The following ASXL3 variants were observed in gnomAD, a reference collection of about 807,000 sequenced individuals.
ASXL3 encodes ASXL transcriptional regulator 3.
A neutral mutation model predicts 170.6 loss-of-function variants in ASXL3; 34 were observed. That is an observed-to-expected ratio of 0.20 (90% confidence interval 0.15 to 0.27). The LOEUF is 0.27. ASXL3 is among the 10% of genes least tolerant of loss of function. The pLI is 1.00. For missense variants in ASXL3, 2,592 were observed against 2,695.3 expected (o/e 0.96, Z 0.85); for synonymous variants, 1,002 against 989.1 (o/e 1.01, Z -0.24).
chr18:33,731,013 G>A (rs983262756), intron 8 of ASXL3, among the ~76,000 whole-genome samples: 7 of 152,228 alleles, frequency 4.6e-5, no homozygotes, highest in African/African-American at 1.7e-4. Context: ...TTTGTTCTCA[G>A]TGTCTCTCTT....
chr18:33,614,255 G>T lies in ASXL3; in HGVS notation c.137+6579G>T, dbSNP rs572597727. On this transcript the variant is annotated intron_variant, in intron 2 of 11. Coordinates refer to ENST00000269197, the MANE Select transcript of ASXL3 (RefSeq NM_030632.3). Reference sequence around the variant, plus strand: ...ATGTAATATTCTAAATCATTTATTTGTATTTCAACAATGTTCACAGTATCT... The same window carrying T: ...ATGTAATATTCTAAATCATTTATTTTTATTTCAACAATGTTCACAGTATCT... 4 of 152,190 alleles carry T rather than the reference G, an allele frequency of 2.6e-5. No individual in the cohort carries two copies. In the East Asian group the frequency reaches 5.8e-4, roughly 22 times the overall value. The allele number at this position is 152,190 out of a possible 1,614,324, so 9.4% of individuals were successfully genotyped here. A position where few individuals can be genotyped will look rare whatever the true frequency, so the allele number is the denominator to read the frequency against.
In ASXL3 at chr18:33,731,592, C is replaced by A. The variant is rs183391422; in HGVS notation, c.880-376C>A. 3.0e-4 allele frequency among the ~76,000 whole-genome samples: 45 copies of A among 152,262 alleles called. No individual in the cohort carries two copies. In the Middle Eastern group the frequency reaches 0.01, roughly 35 times the overall value. Reference sequence around the variant, plus strand: ...TTTTGAACTTCTTAATTCTCACTCACCTAATGCTTGACATTGTTTAACTTG... The same window carrying A: ...TTTTGAACTTCTTAATTCTCACTCAACTAATGCTTGACATTGTTTAACTTG... On this transcript the variant is annotated intron_variant, in intron 8 of 11. Coordinates refer to ENST00000269197, the MANE Select transcript of ASXL3 (RefSeq NM_030632.3).
chr18:33,738,824 C>G lies in ASXL3; in HGVS notation c.1420C>G (p.Pro474Ala). The change falls in exon 11 of 12, where the codon CCT becomes GCT. Residue 474 changes from proline to alanine, a missense_variant. Around this residue, in one of 4 missense-constraint regions of ASXL3, gnomAD observed 2,246 missense variants for 2,219.6 expected, o/e 1.01. Transcript: ENST00000269197. The stretch of plus-strand genomic sequence containing the variant: ...CCAGGATGAAAATCATAAGACAATA[C>G]CTGAATTTTCTGAGGAGGCTGAAAG... ...ECQDENHKTIPEFSEEAESLT... is the reference protein window; with the variant it reads ...ECQDENHKTIAEFSEEAESLT... 1 of 1,613,538 alleles carries G rather than the reference C, an allele frequency of 6.2e-7. No homozygotes were observed. Among genetic ancestry groups the G allele is most frequent in the Non-Finnish European group, 8.5e-7 (1 of 1,179,840 alleles).
chr18:33,635,148 ATTGCCC>A (rs2065745486), intron 2 of ASXL3, among the ~76,000 whole-genome samples: 1 of 152,194 alleles, frequency 6.6e-6, no homozygotes, highest in African/African-American at 2.4e-5. Context: ...ACTATTACTA[ATTGCCC>A]TTAAAACCTT....
At chr18:33,676,222 C>CAAAA (rs568221465) in intron 7 of ASXL3, among the ~76,000 whole-genome samples, 524 of 41,722 alleles carry the variant, frequency 0.013, 37 homozygotes, top group Non-Finnish European at 0.017. Flanking sequence ...GACTCCGTCT[C>CAAAA]AAAAAAAAAA....
intron 8 of ASXL3, among the ~76,000 whole-genome samples, chr18:33,687,808 T>G (rs1488071015): frequency 6.6e-6 from 1 of 152,170 alleles, no homozygotes; most frequent in Non-Finnish European, 1.5e-5. Context: ...TCACACATAC[T>G]GCAAGTAAAA....
intron 2 of ASXL3, among the ~76,000 whole-genome samples, chr18:33,637,199 T>C (rs1386052544): frequency 6.6e-6 from 1 of 152,188 alleles, no homozygotes; most frequent in Non-Finnish European, 1.5e-5. Context: ...CTAGGTGTTT[T>C]ATTCCTAGTT....
chr18:33,614,232 G>A (rs1293885197), intron 2 of ASXL3: 2 of 152,106 alleles, frequency 1.3e-5, no homozygotes, highest in East Asian at 3.9e-4. Context: ...CTAAGTTAAT[G>A]TAATATTCTA....
At chr18:33,713,341 A>AT (rs2067109912) in intron 8 of ASXL3, among the ~76,000 whole-genome samples, 1 of 56,056 alleles carries the variant, frequency 1.8e-5, no homozygotes, top group South Asian at 6.3e-4. Flanking sequence ...TGCAACCTCC[A>AT]CCCCCCCCCG....
At chr18:33,703,026 AT>A (rs768880936) in intron 8 of ASXL3, among the ~76,000 whole-genome samples, 3 of 152,152 alleles carry the variant, frequency 2.0e-5, no homozygotes, top group Non-Finnish European at 4.4e-5. Flanking sequence ...TTTGCAGAGT[AT>A]TTTTTAGGCC....
At chr18:33,724,959 A>ATAT (rs2067324175) in intron 8 of ASXL3, among the ~76,000 whole-genome samples, 2 of 152,118 alleles carry the variant, frequency 1.3e-5, no homozygotes, top group African/African-American at 4.8e-5. Flanking sequence ...CTAAAGAATA[A>ATAT]TATTTTCCCT....
intron 2 of ASXL3, among the ~76,000 whole-genome samples, chr18:33,628,617 T>A (rs968002087): frequency 6.6e-6 from 1 of 152,206 alleles, no homozygotes; most frequent in African/African-American, 2.4e-5. Context: ...AGAAACTTAC[T>A]CTAAGGATCT....
chr18:33,704,572 C>T (rs1263359809), intron 8 of ASXL3, among the ~76,000 whole-genome samples: 1 of 151,936 alleles, frequency 6.6e-6, no homozygotes, highest in Non-Finnish European at 1.5e-5. Context: ...AGTGCCTGTG[C>T]TCAACATTTT....
Position 33,750,409 on chromosome 18 carries a change from G to A in ASXL3, c.*3814G>A, listed in dbSNP as rs865996575. On this transcript the variant is annotated 3_prime_UTR_variant, in exon 12 of 12. Transcript: ENST00000269197. ...ATTTAGACTGTAGAAAAACTTTGTTGTATTTGTACTGTTCTTGAATGTTTC... is the reference window on the plus strand; with the variant it reads ...ATTTAGACTGTAGAAAAACTTTGTTATATTTGTACTGTTCTTGAATGTTTC... 6.6e-6 allele frequency: 1 copy of A among 152,118 alleles called. No homozygotes were observed. The highest frequency in any genetic ancestry group is 6.5e-5 in the Admixed American group (1 of 15,272). 9.4% of individuals were successfully genotyped at this position (152,118 alleles called of 1,614,324 possible).
intron 2 of ASXL3, among the ~76,000 whole-genome samples, chr18:33,610,442 A>G (rs2065318560): frequency 6.6e-6 from 1 of 151,998 alleles, no homozygotes; most frequent in Non-Finnish European, 1.5e-5. Context: ...CACTGTACCT[A>G]GCAGTTCTAG....
intron 1 of ASXL3, among the ~76,000 whole-genome samples, chr18:33,590,349 T>A (rs1028938843): frequency 1.3e-5 from 2 of 152,092 alleles, no homozygotes; most frequent in African/African-American, 4.8e-5. Flanking sequence ...GCTTGGCTGA[T>A]ATGCCCATTC....
chr18:33,666,055 G>A (rs140106317), intron 5 of ASXL3, among the ~76,000 whole-genome samples: 2,831 of 152,232 alleles, frequency 0.019, 42 homozygotes, highest in Middle Eastern at 0.031. Flanking sequence ...TATTGAAATT[G>A]TACTCTGTGT....
chr18:33,720,592 A>G (rs1253166765), intron 8 of ASXL3, among the ~76,000 whole-genome samples: 4 of 152,064 alleles, frequency 2.6e-5, no homozygotes, highest in Non-Finnish European at 5.9e-5. Flanking sequence ...TTTTGAAAAC[A>G]TCGCTTCTCA....
At chr18:33,582,206 G>A (rs8082751) in intron 1 of ASXL3, among the ~76,000 whole-genome samples, 1 of 152,080 alleles carries the variant, frequency 6.6e-6, no homozygotes, top group Admixed American at 6.6e-5. Context: ...AACTCATGTC[G>A]AGCTGGGGCT....
Sources: gnomAD v4.1 joint callset for allele counts (sites outside exome capture counted in the v4.1 genomes callset) on GRCh38, gnomAD v4.1.1 for gene constraint, gnomAD v4.1.1 regional missense constraint, MANE v1.5 for transcripts, NCBI Gene and HGNC (gene_info 2026-07-23, HGNC 2026-07-21) for gene names.